Variants in EXOSC7 observed in about 807,000 individuals in gnomAD.
The protein encoded by EXOSC7 is exosome component 7.
A neutral mutation model predicts 34.3 loss-of-function variants in EXOSC7; 25 were observed. That is an observed-to-expected ratio of 0.73 (90% confidence interval 0.53 to 1.02). EXOSC7 has a LOEUF of 1.02. Among genes scored for constraint, EXOSC7 ranks in the 50% least tolerant of loss-of-function variants. EXOSC7 has a pLI of 0.00. For synonymous variants in EXOSC7, 130 were observed against 143.0 expected, an observed-to-expected ratio of 0.91 and a Z score of 0.65; for missense variants, 370 against 368.5, an observed-to-expected ratio of 1.00 and a Z score of -0.03.
chr3:45,011,393 G>A lies in EXOSC7; in HGVS notation c.*54G>A, dbSNP rs143382259. ...TGTTTTTTACTTTTCCTTTTAAACC[G>A]GTTCGTATATATTTTTCTTCGCTGT... On this transcript the variant is annotated 3_prime_UTR_variant, in exon 8 of 8. Transcript: ENST00000265564. 4.1e-5 allele frequency: 47 copies of A among 1,138,480 alleles called. No individual in the cohort carries two copies. Among genetic ancestry groups the A allele is most frequent in the Admixed American group, 3.0e-4 (14 of 47,128 alleles). 70.5% of individuals were successfully genotyped at this position (1,138,480 alleles called of 1,614,324 possible).
rs770064456 is a variant in EXOSC7 at position 44,997,159 on chromosome 3, C to T, written c.327C>T (p.Leu109=). The T allele has an allele frequency of 6.8e-5, 109 of 1,613,978 alleles. No individual in the cohort carries two copies. The highest frequency in any genetic ancestry group is 8.6e-5 in the Non-Finnish European group (102 of 1,180,012). The part of the protein sequence containing the change: ...DDLGTEIANT[L]YRIFNNKSSV... ...TTGGCACCGAGATCGCTAACACCCT[C>T]TATCGGATATTTAACAATAAAAGCA... Residue 109 remains leucine (L), a synonymous_variant, in exon 4 of 8, where the codon CTC becomes CTT. Coordinates refer to ENST00000265564, the MANE Select transcript of EXOSC7 (RefSeq NM_015004.4).
At chr3:45,011,519 A>G (rs545660237), downstream of EXOSC7, 2 of 497,162 alleles carry the variant, frequency 4.0e-6, no homozygotes, top group Admixed American at 7.4e-5. Context: ...GGCACCATTC[A>G]GTGACCCATC....
Position 44,988,597 on chromosome 3 carries a change from AT to A in EXOSC7, c.58-540del, listed in dbSNP as rs531837091. ...GCATGGCTATGTTCCAGTAAAACTT[AT>A]TTACAAAAACAAGGGACCTTAGTTT... On this transcript the variant is annotated intron_variant, in intron 1 of 7. Transcript: ENST00000265564. Among the ~76,000 whole-genome samples, 234 of 152,318 alleles carry A rather than the reference AT, an allele frequency of 1.5e-3. 2 individuals carry two copies. Among genetic ancestry groups the A allele is most frequent in the African/African-American group, 5.1e-3 (210 of 41,572 alleles).
At chr3:44,979,590 T>G (rs1044275650) in intron 1 of EXOSC7, among the ~76,000 whole-genome samples, 24 of 113,530 alleles carry the variant, frequency 2.1e-4, no homozygotes, top group African/African-American at 7.3e-4. Context: ...CTCTGCTGGT[T>G]TTTTTTTTCC....
chr3:45,011,798 C>T (rs1333833685), downstream of EXOSC7, among the ~76,000 whole-genome samples: 13 of 152,246 alleles, frequency 8.5e-5, no homozygotes, highest in Non-Finnish European at 1.9e-4. Context: ...GTCTGTCTGT[C>T]TGGTTAGCCA....
chr3:45,009,982 G>A (rs943357189), intron 7 of EXOSC7, among the ~76,000 whole-genome samples: 5 of 152,136 alleles, frequency 3.3e-5, no homozygotes, highest in Non-Finnish European at 7.4e-5. Flanking sequence ...ACAGTTAGGG[G>A]CCAGGGGAGA....
chr3:44,999,884 G>A (rs1242681641), intron 4 of EXOSC7, among the ~76,000 whole-genome samples: 4 of 152,158 alleles, frequency 2.6e-5, no homozygotes, highest in Non-Finnish European at 5.9e-5. Context: ...AATCCTTGAA[G>A]CAAGATAGTA....
chr3:45,012,235 G>A (rs1466710206), downstream of EXOSC7: 9 of 152,130 alleles, frequency 5.9e-5, no homozygotes, highest in African/African-American at 1.2e-4. Context: ...GCTGATTCAC[G>A]AAGGAGAGCG....
intron 1 of EXOSC7, among the ~76,000 whole-genome samples, chr3:44,978,604 C>G (rs1393940776): frequency 1.3e-5 from 2 of 152,204 alleles, no homozygotes. Context: ...ACTGGGAGGT[C>G]AGAGGAGGCT....
At chr3:44,982,753 CT>C (rs1706304565) in intron 1 of EXOSC7, among the ~76,000 whole-genome samples, 1 of 152,220 alleles carries the variant, frequency 6.6e-6, no homozygotes, top group Non-Finnish European at 1.5e-5. Flanking sequence ...GCTCTCTGCC[CT>C]TTCTGTTTAC....
At chr3:44,976,738 G>A (rs977811510) in intron 1 of EXOSC7, among the ~76,000 whole-genome samples, 1 of 152,208 alleles carries the variant, frequency 6.6e-6, no homozygotes, top group Admixed American at 6.5e-5. Context: ...GTGGTTAGGA[G>A]GGCGCATGCG....
At chr3:44,993,578 G>A (rs1359848060) in intron 3 of EXOSC7, among the ~76,000 whole-genome samples, 1 of 151,986 alleles carries the variant, frequency 6.6e-6, no homozygotes, top group Non-Finnish European at 1.5e-5. Flanking sequence ...TGAGTCAGAA[G>A]GGGTGGAGAG....
chr3:44,989,692 A>G, intron 3 of EXOSC7, 48 bp downstream of exon 3: 1 of 1,430,166 alleles, frequency 7.0e-7, no homozygotes, highest in Non-Finnish European at 9.7e-7. Flanking sequence ...GATTTTAAAG[A>G]TGAAGATTCA....
At chr3:44,986,961 C>T (rs751123631) in intron 1 of EXOSC7, among the ~76,000 whole-genome samples, 3 of 151,846 alleles carry the variant, frequency 2.0e-5, no homozygotes, top group Non-Finnish European at 4.4e-5. Flanking sequence ...AGCATCAACT[C>T]CTTGGAGAAT....
At position 45,005,337 on chromosome 3, in the gene EXOSC7, A is replaced by G. The variant is rs1707004376; in HGVS notation, c.538A>G (p.Ile180Val). The G allele has an allele frequency of 1.2e-6, 2 of 1,614,180 alleles. No homozygotes were observed. The highest frequency in any genetic ancestry group is 1.7e-6 in the Non-Finnish European group (2 of 1,180,006). ...VLEDEEGSKD[I>V]ELSDDPYDCI... ...GGAGGATGAAGAGGGGTCGAAGGAC[A>G]TTGAATTGTCAGATGACCCTTATGA... is the stretch of plus-strand genomic sequence containing the variant. The change falls in exon 6 of 8, where the codon ATT becomes GTT. Residue 180 changes from isoleucine to valine, a missense_variant. Transcript: ENST00000265564.
intron 1 of EXOSC7, among the ~76,000 whole-genome samples, chr3:44,978,075 C>G (rs1706166869): frequency 6.6e-6 from 1 of 152,124 alleles, no homozygotes. Context: ...AGGAGGGAGA[C>G]AAACAGAGAG....
intron 4 of EXOSC7, among the ~76,000 whole-genome samples, chr3:44,998,486 A>G (rs1706788996): frequency 1.3e-5 from 2 of 152,258 alleles, no homozygotes; most frequent in East Asian, 3.8e-4. Flanking sequence ...CTTCAGATGA[A>G]GGACAAAAAG....
intron 4 of EXOSC7, among the ~76,000 whole-genome samples, chr3:44,997,995 G>A (rs1359123836): frequency 6.6e-6 from 1 of 150,670 alleles, no homozygotes; most frequent in Admixed American, 6.6e-5. Context: ...GCACTCGACA[G>A]TAACTTCTCT....
intron 1 of EXOSC7, among the ~76,000 whole-genome samples, chr3:44,978,314 A>G (rs1048741109): frequency 1.3e-5 from 2 of 152,010 alleles, no homozygotes; most frequent in Admixed American, 6.6e-5. Context: ...TTTTTTTTTA[A>G]TAAATAAAAA....
Sources: gnomAD v4.1 joint callset for allele counts (sites outside exome capture counted in the v4.1 genomes callset) on GRCh38, gnomAD v4.1.1 for gene constraint, MANE v1.5 for transcripts, NCBI Gene and HGNC (gene_info 2026-07-23, HGNC 2026-07-21) for gene names.